NAV2: variants seen among roughly 807,000 people sequenced by gnomAD.
NAV2 encodes the protein helicase, APC down-regulated 1.
Under a neutral mutation model 223.2 loss-of-function variants are expected in NAV2, and 54 were observed. The observed-to-expected ratio is 0.24, with a 90% CI of 0.19 to 0.30. NAV2 has a LOEUF of 0.30. Among genes scored for constraint, NAV2 ranks in the 10% least tolerant of loss-of-function variants. The pLI is 1.00. For synonymous variants in NAV2, 1,279 were observed against 1,239.3 expected (o/e 1.03, Z -0.67); for missense variants, 2,806 against 3,147.5 (o/e 0.89, Z 2.60).
chr11:20,114,833 T>C (rs200989332), intron 37 of NAV2, 38 bp downstream of exon 37: 2 of 1,572,700 alleles, frequency 1.3e-6, no homozygotes, highest in African/African-American at 2.7e-5. Context: ...AGCATTCCTT[T>C]AGCACTTACT....
intron 4 of NAV2, among the ~76,000 whole-genome samples, chr11:19,876,202 A>G (rs2062820783): frequency 1.3e-5 from 2 of 151,800 alleles, no homozygotes; most frequent in Non-Finnish European, 2.9e-5. Flanking sequence ...ATTTTTTTGT[A>G]TTTTTAGTAG....
chr11:19,522,213 A>T (rs1017921546), intron 1 of NAV2, among the ~76,000 whole-genome samples: 14 of 152,170 alleles, frequency 9.2e-5, no homozygotes, highest in Admixed American at 6.5e-4. Context: ...CTTCTGCAGA[A>T]CAGCAAGAAG....
At chr11:19,880,436 A>G (rs571043169) in intron 5 of NAV2, among the ~76,000 whole-genome samples, 3 of 152,266 alleles carry the variant, frequency 2.0e-5, no homozygotes, top group African/African-American at 7.2e-5. Flanking sequence ...ATAGACTTCA[A>G]ACACCTTTTG....
chr11:19,446,377 C>G (rs28376989), intron 1 of NAV2, among the ~76,000 whole-genome samples: 1 of 152,078 alleles, frequency 6.6e-6, no homozygotes, highest in Non-Finnish European at 1.5e-5. Context: ...TCTTCCTTCC[C>G]TCCCAGTTCC....
intron 31 of NAV2, among the ~76,000 whole-genome samples, chr11:20,100,544 GGGGTGT>G (rs1432258805): frequency 8.7e-6 from 1 of 114,864 alleles, no homozygotes; most frequent in African/African-American, 3.2e-5. Context: ...GTATACTAGA[GGGGTGT>G]GTGTGTGTGT....
intron 3 of NAV2, among the ~76,000 whole-genome samples, chr11:19,864,914 T>TC (rs1257330109): frequency 1.3e-5 from 2 of 152,122 alleles, no homozygotes; most frequent in African/African-American, 4.8e-5. Flanking sequence ...CTCCTGGGTT[T>TC]CCCCCTCTAC....
At chr11:19,564,594 C>A (rs1480503915) in intron 1 of NAV2, among the ~76,000 whole-genome samples, 2 of 152,084 alleles carry the variant, frequency 1.3e-5, no homozygotes, top group Non-Finnish European at 2.9e-5. Context: ...AGGTGCCTCA[C>A]CAGACTTAGC....
intron 1 of NAV2, among the ~76,000 whole-genome samples, chr11:19,453,158 G>A (rs1262287762): frequency 6.6e-6 from 1 of 152,228 alleles, no homozygotes; most frequent in Non-Finnish European, 1.5e-5. Flanking sequence ...CCACTGCTCT[G>A]AGTTCCCCTC....
chr11:19,890,058 G>A (rs955635979), intron 5 of NAV2, among the ~76,000 whole-genome samples: 9 of 152,298 alleles, frequency 5.9e-5, no homozygotes, highest in Admixed American at 5.9e-4. Flanking sequence ...TGGAGAAGAC[G>A]AGAAAGGAAA....
chr11:19,890,892 G>T (rs997346508), intron 5 of NAV2, among the ~76,000 whole-genome samples: 2 of 152,212 alleles, frequency 1.3e-5, no homozygotes, highest in African/African-American at 4.8e-5. Context: ...CTCTCCAAAG[G>T]AGATGAGGTA....
intron 5 of NAV2, among the ~76,000 whole-genome samples, chr11:19,882,192 G>A (rs2063259048): frequency 6.6e-6 from 1 of 152,226 alleles, no homozygotes; most frequent in African/African-American, 2.4e-5. Context: ...AAGAATGGAA[G>A]GAAGGACCTC....
chr11:19,641,556 C>G (rs931751859), intron 1 of NAV2, among the ~76,000 whole-genome samples: 11 of 151,978 alleles, frequency 7.2e-5, no homozygotes, highest in Non-Finnish European at 1.0e-4. Context: ...TGATCTGAGT[C>G]TGACTGTACA....
intron 8 of NAV2, among the ~76,000 whole-genome samples, chr11:19,945,095 CT>C (rs1416394864): frequency 8.4e-6 from 1 of 119,082 alleles, no homozygotes; most frequent in African/African-American, 2.9e-5. Flanking sequence ...CTTTTCTTCT[CT>C]TCTCTTCTTT....
intron 14 of NAV2, among the ~76,000 whole-genome samples, chr11:20,047,041 A>T (rs1310674534): frequency 6.6e-6 from 1 of 152,238 alleles, no homozygotes; most frequent in Non-Finnish European, 1.5e-5. Flanking sequence ...CTTTGTCCAG[A>T]CTTGATTATT....
chr11:19,717,024 A>G (rs990729275), intron 1 of NAV2, among the ~76,000 whole-genome samples: 1 of 152,166 alleles, frequency 6.6e-6, no homozygotes, highest in African/African-American at 2.4e-5. Context: ...TAACCATGAT[A>G]TTGTACAGGG....
intron 1 of NAV2, among the ~76,000 whole-genome samples, chr11:19,386,549 T>C (rs1290188329): frequency 2.0e-5 from 3 of 152,144 alleles, no homozygotes; most frequent in African/African-American, 7.2e-5. Context: ...CGGGAGACAG[T>C]GGGGAGCCTA....
chr11:20,038,838 T>C (rs1172913884), intron 12 of NAV2, among the ~76,000 whole-genome samples: 1 of 152,154 alleles, frequency 6.6e-6, no homozygotes, highest in African/African-American at 2.4e-5. Context: ...CTCTGAGAAA[T>C]AACTAAAGCA....
intron 11 of NAV2, among the ~76,000 whole-genome samples, chr11:20,005,253 A>ATATATATTTTTTT (rs1277010848): frequency 2.2e-5 from 3 of 134,552 alleles, no homozygotes; most frequent in Admixed American, 7.4e-5. Flanking sequence ...ATATATATAT[A>ATATATATTTTTTT]TTTTTTTTTT....
intron 28 of NAV2, 88 bp downstream of exon 28, chr11:20,092,456 A>C (rs1246360685): frequency 7.1e-7 from 1 of 1,401,192 alleles, no homozygotes; most frequent in African/African-American, 1.4e-5. Flanking sequence ...AAGCAGATCA[A>C]CAGATCAAAT....
Sources: gnomAD v4.1 joint callset for allele counts (sites outside exome capture counted in the v4.1 genomes callset) on GRCh38, gnomAD v4.1.1 for gene constraint, MANE v1.5 for transcripts, NCBI Gene and HGNC (gene_info 2026-07-23, HGNC 2026-07-21) for gene names.